Variants in DLGAP2 observed in about 807,000 individuals in gnomAD.
DLGAP2 encodes the protein disks large-associated protein 2.
DLGAP2 carries 26 observed loss-of-function variants against 100.3 expected under a neutral mutation model. The observed-to-expected ratio is 0.26, with a 90% confidence interval of 0.19 to 0.36. DLGAP2 has a LOEUF of 0.36. DLGAP2 is among the 10% of genes least tolerant of loss of function. DLGAP2 has a pLI of 1.00. For missense variants in DLGAP2, 1,858 were observed against 1,453.2 expected (o/e 1.28, Z -4.53); for synonymous variants, 886 against 630.1 (o/e 1.41, Z -6.08).
intron 3 of DLGAP2, among the ~76,000 whole-genome samples, chr8:1,373,280 C>T (rs909818424): frequency 1.8e-4 from 28 of 151,422 alleles, no homozygotes; most frequent in Non-Finnish European, 4.0e-4. Flanking sequence ...GCGTGCGGCC[C>T]GGAGGGTGTC....
intron 6 of DLGAP2, among the ~76,000 whole-genome samples, chr8:1,597,053 G>A (rs1014269307): frequency 1.3e-5 from 2 of 152,130 alleles, no homozygotes; most frequent in African/African-American, 4.8e-5. Context: ...AAGGTGTAAG[G>A]AAGGAGTCCA....
chr8:944,401 C>G (rs1799266344), intron 2 of DLGAP2, among the ~76,000 whole-genome samples: 1 of 151,784 alleles, frequency 6.6e-6, no homozygotes, highest in South Asian at 2.1e-4. Flanking sequence ...GTGGGTGATC[C>G]AGCAGGTGGT....
chr8:1,387,996 G>A (rs904641469), intron 3 of DLGAP2, among the ~76,000 whole-genome samples: 1 of 152,210 alleles, frequency 6.6e-6, no homozygotes, highest in Non-Finnish European at 1.5e-5. Context: ...AACACGGTGG[G>A]CGCAGAGCTG....
At chr8:1,567,074 A>T (rs1433725327) in intron 6 of DLGAP2, among the ~76,000 whole-genome samples, 2 of 152,132 alleles carry the variant, frequency 1.3e-5, no homozygotes, top group East Asian at 3.9e-4. Context: ...AAGCTCTTAG[A>T]CTTGTTGGAA....
rs1262069576 is a variant in DLGAP2 at position 737,642 on chromosome 8, C to T, written c.-166C>T. ...GCCGGCCGTGAAGACCGACCGTGCG[C>T]CGGGCTCGAGCGCGGTCTGAGCGCG... On this transcript the variant is annotated 5_prime_UTR_variant, in exon 1 of 15. Coordinates refer to ENST00000637795, the MANE Select transcript of DLGAP2 (RefSeq NM_001346810.2). 2 of 349,664 alleles carry T rather than the reference C, an allele frequency of 5.7e-6. No homozygotes were observed. The highest frequency in any genetic ancestry group is 1.0e-5 in the Non-Finnish European group (2 of 194,772). 21.7% of individuals were successfully genotyped at this position (349,664 alleles called of 1,614,324 possible). A position where few individuals can be genotyped will look rare whatever the true frequency, so the allele number is the denominator to read the frequency against.
At chr8:1,268,941 C>G (rs937488749) in intron 3 of DLGAP2, among the ~76,000 whole-genome samples, 7 of 152,140 alleles carry the variant, frequency 4.6e-5, no homozygotes, top group African/African-American at 1.7e-4. Context: ...GCAGTGGAAC[C>G]CTCAGCTCTA....
At chr8:927,121 C>T (rs1387959556) in intron 2 of DLGAP2, 1 of 985,404 alleles carries the variant, frequency 1.0e-6, no homozygotes. Flanking sequence ...TCGGAGCAAA[C>T]TAATCGATTG....
intron 2 of DLGAP2, among the ~76,000 whole-genome samples, chr8:945,282 C>T (rs986706872): frequency 2.0e-5 from 3 of 152,182 alleles, no homozygotes; most frequent in African/African-American, 7.2e-5. Flanking sequence ...TGTCCTCCCT[C>T]CTGGGAGTGG....
At chr8:1,463,255 A>C (rs553116359) in intron 3 of DLGAP2, among the ~76,000 whole-genome samples, 1 of 152,350 alleles carries the variant, frequency 6.6e-6, no homozygotes, top group East Asian at 1.9e-4. Context: ...TCTCAAAAAA[A>C]CAAAAGAAAA....
intron 3 of DLGAP2, among the ~76,000 whole-genome samples, chr8:1,417,049 C>G (rs575413440): frequency 6.8e-4 from 49 of 72,590 alleles, no homozygotes; most frequent in African/African-American, 3.6e-3. Flanking sequence ...CCGCCCCACA[C>G]TGTCCCCGGC....
chr8:1,480,998 C>T (rs1355651149), intron 3 of DLGAP2, among the ~76,000 whole-genome samples: 1 of 151,808 alleles, frequency 6.6e-6, no homozygotes, highest in African/African-American at 2.4e-5. Context: ...TGGTGAAACC[C>T]CATCTCTACT....
intron 3 of DLGAP2, among the ~76,000 whole-genome samples, chr8:1,312,630 T>C (rs1393660830): frequency 6.6e-6 from 1 of 152,214 alleles, no homozygotes; most frequent in African/African-American, 2.4e-5. Flanking sequence ...TAATGACGCA[T>C]AATTACACAC....
chr8:1,269,776 G>A (rs1309245602), intron 3 of DLGAP2, among the ~76,000 whole-genome samples: 1 of 152,134 alleles, frequency 6.6e-6, no homozygotes, highest in African/African-American at 2.4e-5. Flanking sequence ...AAAAAGGCTG[G>A]CGAGGATTTT....
intron 3 of DLGAP2, among the ~76,000 whole-genome samples, chr8:1,441,794 T>A (rs980565780): frequency 5.3e-5 from 8 of 151,802 alleles, no homozygotes; most frequent in East Asian, 1.9e-4. Flanking sequence ...AGTTTTTTTT[T>A]TTTTATTTAA....
intron 4 of DLGAP2, among the ~76,000 whole-genome samples, chr8:1,510,491 G>A (rs1300008954): frequency 2.0e-5 from 3 of 152,372 alleles, no homozygotes; most frequent in African/African-American, 7.2e-5. Flanking sequence ...GTCCAGTTTT[G>A]TGGCAGGTCC....
chr8:1,190,987 C>T (rs562699397), intron 2 of DLGAP2, among the ~76,000 whole-genome samples: 3 of 152,234 alleles, frequency 2.0e-5, no homozygotes, highest in Admixed American at 6.5e-5. Flanking sequence ...AGGCTTGGAC[C>T]AATTCCTCAT....
In DLGAP2 at chr8:884,594, C is replaced by T. The variant is rs181129452; in HGVS notation, c.19-23318C>T. 1.4e-3 allele frequency among the ~76,000 whole-genome samples: 207 copies of T among 151,990 alleles called. 1 individual carries two copies. Among genetic ancestry groups the T allele is most frequent in the African/African-American group, 4.6e-3 (192 of 41,468 alleles). On this transcript the variant is annotated intron_variant, in intron 1 of 14. Coordinates refer to ENST00000637795, the MANE Select transcript of DLGAP2 (RefSeq NM_001346810.2). ...CATTCTGTAGGTTGCCTGTTCATTT[C>T]GATGATAGTTTCTTTTGCTCTGCAC...
chr8:823,232 A>G (rs1796621736), intron 1 of DLGAP2, among the ~76,000 whole-genome samples: 3 of 152,140 alleles, frequency 2.0e-5, no homozygotes, highest in Admixed American at 2.0e-4. Flanking sequence ...TTGCCACCTC[A>G]GGAACAGGCA....
intron 3 of DLGAP2, among the ~76,000 whole-genome samples, chr8:1,266,759 G>T (rs950924355): frequency 2.6e-5 from 4 of 152,058 alleles, no homozygotes; most frequent in Admixed American, 1.3e-4. Context: ...GTGTGTATAT[G>T]TGTTTGTGTG....
Sources: gnomAD v4.1 joint callset for allele counts (sites outside exome capture counted in the v4.1 genomes callset) on GRCh38, gnomAD v4.1.1 for gene constraint, MANE v1.5 for transcripts, NCBI Gene and HGNC (gene_info 2026-07-23, HGNC 2026-07-21) for gene names.